The following KCNJ6 variants were observed in gnomAD, a reference collection of about 807,000 sequenced individuals.
KCNJ6 encodes G protein-activated inward rectifier potassium channel 2.
A neutral mutation model predicts 34.2 loss-of-function variants in KCNJ6; 9 were observed. The observed-to-expected ratio is 0.26, with a 90% confidence interval of 0.16 to 0.46. The LOEUF is 0.46. Ranked by LOEUF, KCNJ6 falls within the 20% of genes least tolerant of loss-of-function variation. The pLI, the probability that KCNJ6 is intolerant of heterozygous loss-of-function variation, is 1.00. For missense variants in KCNJ6, 236 were observed against 531.3 expected (o/e 0.44, Z 5.46); for synonymous variants, 196 against 207.1 (o/e 0.95, Z 0.46).
chr21:37,659,378 C>T (rs892456919), intron 3 of KCNJ6, among the ~76,000 whole-genome samples: 16 of 152,164 alleles, frequency 1.1e-4, no homozygotes, highest in African/African-American at 3.9e-4. Flanking sequence ...ACAGCAAAGC[C>T]CTTGATGTGG....
intron 2 of KCNJ6, among the ~76,000 whole-genome samples, chr21:37,774,801 A>G (rs1210682640): frequency 6.6e-6 from 1 of 152,184 alleles, no homozygotes; most frequent in African/African-American, 2.4e-5. Flanking sequence ...ATAGCGCCGC[A>G]GTAAACATAC....
At chr21:37,858,456 G>T (rs920800747) in intron 1 of KCNJ6, among the ~76,000 whole-genome samples, 1 of 148,396 alleles carries the variant, frequency 6.7e-6, no homozygotes, top group Non-Finnish European at 1.5e-5. Flanking sequence ...TATTGATAGA[G>T]CATGCTAGGT....
chr21:37,815,356 G>C (rs1054100402), intron 2 of KCNJ6, among the ~76,000 whole-genome samples: 15 of 152,294 alleles, frequency 9.8e-5, no homozygotes, highest in Admixed American at 9.2e-4. Flanking sequence ...TTGCATGCCT[G>C]TGTCAAAACA....
intron 1 of KCNJ6, among the ~76,000 whole-genome samples, chr21:37,914,858 T>C (rs1327098430): frequency 6.6e-6 from 1 of 151,866 alleles, no homozygotes; most frequent in African/African-American, 2.4e-5. Flanking sequence ...ATAACAGCAG[T>C]TGGGAAACAC....
At chr21:37,632,095 C>T (rs1378447790) in intron 3 of KCNJ6, among the ~76,000 whole-genome samples, 1 of 151,864 alleles carries the variant, frequency 6.6e-6, no homozygotes, top group Non-Finnish European at 1.5e-5. Context: ...AAAGGAGGCC[C>T]GGGAGCTGAA....
rs183661654 is a variant in KCNJ6, at chr21:37,826,777, T to C, written c.25+13881A>G. Among the ~76,000 whole-genome samples, 154 of 152,184 alleles carry C rather than the reference T, an allele frequency of 1.0e-3. 2 individuals carry two copies. Among genetic ancestry groups the C allele is most frequent in the Non-Finnish European group, 4.6e-4 (31 of 68,002 alleles). On this transcript the variant is annotated intron_variant, in intron 2 of 3. Transcript: ENST00000609713. ...AGAGAAAATAATGAGAAAACCTCCA[T>C]GGGAGAGATTAGAGATGGGTCTGAA...
Position 37,851,461 on chromosome 21 carries a change from G to C in KCNJ6, c.-27-10752C>G, listed in dbSNP as rs560313336. On this transcript the variant is annotated intron_variant, in intron 1 of 3. Transcript: ENST00000609713. ...TTATAACCAAATGTGACATTTACTG[G>C]GGCTGGAGACTGAGGAAAATTTACA... is the stretch of plus-strand genomic sequence containing the variant. 8.5e-5 allele frequency among the ~76,000 whole-genome samples: 13 copies of C among 152,252 alleles called. No homozygotes were observed. The South Asian group carries it at 2.7e-3, about 32-fold the overall frequency.
chr21:37,668,553 C>T (rs963879800), intron 3 of KCNJ6, among the ~76,000 whole-genome samples: 25 of 152,158 alleles, frequency 1.6e-4, no homozygotes, highest in African/African-American at 5.1e-4. Context: ...CAAATACAGC[C>T]ACATGCTGAG....
chr21:37,914,684 C>G (rs1256480967), intron 1 of KCNJ6, among the ~76,000 whole-genome samples: 2 of 152,230 alleles, frequency 1.3e-5, no homozygotes, highest in Non-Finnish European at 2.9e-5. Flanking sequence ...TCAGTTAGCT[C>G]AGCCCTGACT....
intron 3 of KCNJ6, among the ~76,000 whole-genome samples, chr21:37,712,050 C>T (rs1161411171): frequency 4.0e-4 from 61 of 152,210 alleles, no homozygotes; most frequent in Non-Finnish European, 4.4e-5. Flanking sequence ...GGGCCTGCCC[C>T]AGGGAGAATT....
rs539486486 is a variant in KCNJ6 at position 37,882,754 on chromosome 21, C to T, written c.-28+33130G>A. 9.2e-5 allele frequency among the ~76,000 whole-genome samples: 14 copies of T among 152,328 alleles called. 1 individual carries two copies. The highest frequency in any genetic ancestry group is 3.9e-4 in the Admixed American group (6 of 15,302). On this transcript the variant is annotated intron_variant, in intron 1 of 3. Transcript: ENST00000609713. The stretch of plus-strand genomic sequence containing the variant: ...GCCCAGCATCCTATTGCTACTAAAT[C>T]GACTTAAGCTCGACAAAAATAAAAA...
intron 2 of KCNJ6, among the ~76,000 whole-genome samples, chr21:37,813,834 T>C (rs776119290): frequency 3.3e-5 from 5 of 152,142 alleles, no homozygotes; most frequent in African/African-American, 7.2e-5. Context: ...CTCCAGAACA[T>C]TGGTCTGTGC....
chr21:37,688,027 T>C (rs1254215616), intron 3 of KCNJ6, among the ~76,000 whole-genome samples: 1 of 152,230 alleles, frequency 6.6e-6, no homozygotes, highest in East Asian at 1.9e-4. Flanking sequence ...GTGTCCTTCT[T>C]ATCTGACCTG....
chr21:37,639,436 A>AT (rs983591251), intron 3 of KCNJ6, among the ~76,000 whole-genome samples: 31 of 151,066 alleles, frequency 2.1e-4, no homozygotes, highest in Middle Eastern at 3.4e-3. Flanking sequence ...TACCTGAACT[A>AT]TTTTTTTTTC....
At chr21:37,685,453 G>T (rs556642133) in intron 3 of KCNJ6, among the ~76,000 whole-genome samples, 16 of 147,124 alleles carry the variant, frequency 1.1e-4, no homozygotes, top group Middle Eastern at 3.4e-3. Context: ...AGGCCAAGGC[G>T]GGCGGATCAC....
intron 1 of KCNJ6, among the ~76,000 whole-genome samples, chr21:37,901,409 TATGGAAACCAC>T (rs898652892): frequency 2.0e-5 from 3 of 151,866 alleles, no homozygotes; most frequent in African/African-American, 7.3e-5. Flanking sequence ...AGTGCCAGTG[TATGGAAACCAC>T]ATGGAAATAG....
At chr21:37,864,871 C>CTCT (rs766593316) in intron 1 of KCNJ6, among the ~76,000 whole-genome samples, 13 of 142,776 alleles carry the variant, frequency 9.1e-5, no homozygotes, top group African/African-American at 3.2e-4. Context: ...GTCTCTCTCT[C>CTCT]TTTTTTTTTT....
Position 37,621,878 on chromosome 21 carries a change from A to C in KCNJ6, c.*3281T>G, listed in dbSNP as rs992172494. ...GACATTTGCTATGTTAATGTAAAAG[A>C]GTATAGCTTACCCAGGGGACAGCTA... On this transcript the variant is annotated 3_prime_UTR_variant, in exon 4 of 4. Coordinates refer to ENST00000609713, the MANE Select transcript of KCNJ6 (RefSeq NM_002240.5). 7 of 152,252 alleles carry C rather than the reference A, an allele frequency of 4.6e-5. No individual in the cohort carries two copies. The highest frequency in any genetic ancestry group is 1.7e-4 in the African/African-American group (7 of 41,462). 9.4% of individuals were successfully genotyped at this position (152,252 alleles called of 1,614,324 possible).
At chr21:37,914,172 C>T (rs929242503) in intron 1 of KCNJ6, among the ~76,000 whole-genome samples, 3 of 152,072 alleles carry the variant, frequency 2.0e-5, no homozygotes, top group Admixed American at 2.0e-4. Flanking sequence ...TGATGCACCG[C>T]CATGCATAAA....
Sources: gnomAD v4.1 joint callset for allele counts (sites outside exome capture counted in the v4.1 genomes callset) on GRCh38, gnomAD v4.1.1 for gene constraint, MANE v1.5 for transcripts, NCBI Gene and HGNC (gene_info 2026-07-23, HGNC 2026-07-21) for gene names.